The following ADK variants were observed in gnomAD, a reference collection of about 807,000 sequenced individuals.
ADK encodes the protein adenosine kinase, also known as N6,N6-dimethyladenosine kinase.
A neutral mutation model predicts 44.7 loss-of-function variants in ADK; 24 were observed. The ratio of observed to expected loss-of-function variants is 0.54; its 90% confidence interval spans 0.39 to 0.76. The LOEUF is 0.76. Ranked by LOEUF, ADK falls within the 30% of genes least tolerant of loss-of-function variation. The probability of loss-of-function intolerance (pLI) is 0.00; values close to 1 mark genes in which losing one functional copy is unlikely to be tolerated. For missense variants in ADK, 321 were observed against 425.1 expected (o/e 0.76, Z 2.15); for synonymous variants, 128 against 142.6 (o/e 0.90, Z 0.73).
At chr10:74,180,486 G>C (rs1259256424) in intron 1 of ADK, among the ~76,000 whole-genome samples, 1 of 131,758 alleles carries the variant, frequency 7.6e-6, no homozygotes, top group Non-Finnish European at 1.6e-5. Context: ...TTGAGACGGA[G>C]TCTCGCTCTG....
At chr10:74,208,789 T>C (rs1044933339) in intron 2 of ADK, among the ~76,000 whole-genome samples, 1 of 152,152 alleles carries the variant, frequency 6.6e-6, no homozygotes, top group Non-Finnish European at 1.5e-5. Context: ...CAAGCTGCAG[T>C]GCAGTGGCGC....
intron 3 of ADK, among the ~76,000 whole-genome samples, chr10:74,240,477 C>T (rs79934965): frequency 0.018 from 2,723 of 151,086 alleles, 44 homozygotes; most frequent in Non-Finnish European, 0.026. Context: ...TGATGTATGT[C>T]TTATTTCTTT....
intron 10 of ADK, among the ~76,000 whole-genome samples, chr10:74,693,053 C>T (rs1160898667): frequency 6.6e-6 from 1 of 152,148 alleles, no homozygotes; most frequent in African/African-American, 2.4e-5. Context: ...AGCAGCAAAA[C>T]TGTTTTGTGT....
chr10:74,613,579 G>A (rs1277648390), intron 9 of ADK, among the ~76,000 whole-genome samples: 1 of 151,950 alleles, frequency 6.6e-6, no homozygotes, highest in Non-Finnish European at 1.5e-5. Flanking sequence ...GGTTATTGAC[G>A]TTACTTGTCT....
chr10:74,596,785 GA>G (rs1851941244), intron 8 of ADK, among the ~76,000 whole-genome samples: 1 of 152,098 alleles, frequency 6.6e-6, no homozygotes, highest in South Asian at 2.1e-4. Flanking sequence ...AGGCTCAAGC[GA>G]TTCACCCGCC....
At chr10:74,157,784 C>T (rs897715686) in intron 1 of ADK, among the ~76,000 whole-genome samples, 3 of 151,484 alleles carry the variant, frequency 2.0e-5, no homozygotes, top group African/African-American at 4.8e-5. Flanking sequence ...CCCAGCTACT[C>T]AGGAGGCTGA....
chr10:74,243,333 C>T (rs1845297659), intron 3 of ADK, among the ~76,000 whole-genome samples: 1 of 152,216 alleles, frequency 6.6e-6, no homozygotes, highest in Non-Finnish European at 1.5e-5. Context: ...CGTGAGTAAA[C>T]TGTCGCCCTT....
chr10:74,410,905 G>A (rs1438970406), intron 6 of ADK, among the ~76,000 whole-genome samples: 3 of 152,032 alleles, frequency 2.0e-5, no homozygotes, highest in Admixed American at 2.0e-4. Context: ...AGAGTTCAAA[G>A]TATTTTTGGA....
At chr10:74,538,882 T>C (rs1027977138) in intron 7 of ADK, among the ~76,000 whole-genome samples, 24 of 152,196 alleles carry the variant, frequency 1.6e-4, no homozygotes, top group African/African-American at 5.5e-4. Flanking sequence ...GGTTATCTTA[T>C]TTTTCAGTTT....
At chr10:74,696,775 T>A (rs1393710635) in intron 10 of ADK, among the ~76,000 whole-genome samples, 2 of 152,156 alleles carry the variant, frequency 1.3e-5, no homozygotes, top group East Asian at 3.8e-4. Flanking sequence ...ACTTTTATAA[T>A]CAGAAAAACA....
chr10:74,454,303 A>G (rs1409524369), intron 6 of ADK, among the ~76,000 whole-genome samples: 1 of 152,212 alleles, frequency 6.6e-6, no homozygotes, highest in East Asian at 1.9e-4. Flanking sequence ...AGGATTTGAA[A>G]TAACTAGCAA....
chr10:74,650,942 C>A (rs1253242273), intron 9 of ADK, among the ~76,000 whole-genome samples: 1 of 151,714 alleles, frequency 6.6e-6, no homozygotes, highest in African/African-American at 2.4e-5. Flanking sequence ...AATACTGATT[C>A]TTGTATTGTT....
At chr10:74,343,165 T>G (rs1294093512) in intron 4 of ADK, among the ~76,000 whole-genome samples, 1 of 151,934 alleles carries the variant, frequency 6.6e-6, no homozygotes, top group Non-Finnish European at 1.5e-5. Context: ...CTATTTCTGT[T>G]TTTTTTTAGC....
At chr10:74,501,412 A>G (rs1029230624) in intron 6 of ADK, among the ~76,000 whole-genome samples, 2 of 152,200 alleles carry the variant, frequency 1.3e-5, no homozygotes, top group African/African-American at 4.8e-5. Context: ...AACCTCAATT[A>G]TTAGTTTCAT....
intron 7 of ADK, among the ~76,000 whole-genome samples, chr10:74,562,284 A>G (rs1850491205): frequency 6.6e-6 from 1 of 152,194 alleles, no homozygotes; most frequent in Non-Finnish European, 1.5e-5. Flanking sequence ...ATAAGACCAC[A>G]TGGCATTTTT....
At chr10:74,277,429 C>T (rs1420302845) in intron 3 of ADK, among the ~76,000 whole-genome samples, 1 of 151,138 alleles carries the variant, frequency 6.6e-6, no homozygotes, top group Non-Finnish European at 1.5e-5. Flanking sequence ...GGAGTTCTCA[C>T]TCTGTCGCCC....
chr10:74,197,943 T>C (rs1460077357), intron 1 of ADK, among the ~76,000 whole-genome samples: 1 of 152,070 alleles, frequency 6.6e-6, no homozygotes, highest in East Asian at 1.9e-4. Context: ...GGTAGAGGGA[T>C]TGATGTGGGG....
intron 7 of ADK, among the ~76,000 whole-genome samples, chr10:74,538,608 A>G (rs1368589715): frequency 6.6e-6 from 1 of 152,246 alleles, no homozygotes; most frequent in African/African-American, 2.4e-5. Flanking sequence ...GAAAGAAAAT[A>G]TAAAAATGTC....
chr10:74,202,105 CCCAGTCT>C (rs1361637549), intron 2 of ADK, among the ~76,000 whole-genome samples: 2 of 152,146 alleles, frequency 1.3e-5, no homozygotes, highest in African/African-American at 4.8e-5. Context: ...CCTCCTCTAA[CCCAGTCT>C]CCTGGGAACT....
Sources: allele counts gnomAD v4.1 joint callset (sites outside exome capture counted in the v4.1 genomes callset), GRCh38; gene constraint gnomAD v4.1.1; transcripts MANE v1.5; gene names NCBI Gene and HGNC (gene_info 2026-07-23, HGNC 2026-07-21).